The following ITPR2 variants were observed in gnomAD, a reference collection of about 807,000 sequenced individuals.
ITPR2 encodes inositol 1,4,5-trisphosphate receptor type 2.
Under a neutral mutation model 317.1 loss-of-function variants are expected in ITPR2, and 207 were observed. The observed-to-expected ratio is 0.65, with a 90% CI of 0.58 to 0.73. ITPR2 has a LOEUF of 0.73. Ranked by LOEUF, ITPR2 falls within the 30% of genes least tolerant of loss-of-function variation. The pLI, the probability that ITPR2 is intolerant of heterozygous loss-of-function variation, is 0.00. For synonymous variants in ITPR2, 1,156 were observed against 1,149.1 expected (o/e 1.01, Z -0.12); for missense variants, 2,613 against 3,284.0 (o/e 0.80, Z 4.99).
At chr12:26,477,114 G>T in intron 43 of ITPR2, 107 bp from the exon 44 acceptor site, 1 of 633,844 alleles carries the variant, frequency 1.6e-6, no homozygotes. Flanking sequence ...TTAATCAAAC[G>T]GAATTTAAAA....
rs185574225 is a variant in ITPR2 at position 26,657,789 on chromosome 12, G to A, written c.2110C>T (p.Pro704Ser). 6.2e-7 allele frequency: 1 copy of A among 1,614,116 alleles called. No individual in the cohort carries two copies. The highest frequency in any genetic ancestry group is 1.1e-5 in the South Asian group (1 of 91,072). The change falls in exon 18 of 57, where the codon CCT (proline) becomes TCT (serine). Residue 704 changes from proline to serine, a missense_variant. Physicochemically the swap from Pro to Ser is moderately conservative, Grantham distance 74 (BLOSUM62 -1). Transcript: ENST00000381340. ...AGGTGCCTGATAGCTTTGCCATGAG[G>A]TTCCTTGTTGCTGTCAATCCAATAG... ...WLYWIDSNKE[P>S]HGKAIRHLAQ...
chr12:26,404,557 T>C (rs566587512), intron 52 of ITPR2, among the ~76,000 whole-genome samples: 2 of 152,162 alleles, frequency 1.3e-5, no homozygotes, highest in South Asian at 4.2e-4. Flanking sequence ...CAGGAAACAG[T>C]AGGAAGAAGG....
chr12:26,591,332 G>C (rs1945697448), intron 32 of ITPR2, among the ~76,000 whole-genome samples: 1 of 152,076 alleles, frequency 6.6e-6, no homozygotes, highest in South Asian at 2.1e-4. Flanking sequence ...TATATGAAAA[G>C]GTGTTCAACA....
chr12:26,702,939 T>C (rs969323573), intron 9 of ITPR2, among the ~76,000 whole-genome samples: 2 of 152,222 alleles, frequency 1.3e-5, no homozygotes, highest in African/African-American at 4.8e-5. Context: ...TTGCAACATA[T>C]GTGTTTTCTC....
intron 1 of ITPR2, among the ~76,000 whole-genome samples, chr12:26,792,950 C>A (rs777650900): frequency 3.9e-5 from 6 of 152,144 alleles, no homozygotes; most frequent in Non-Finnish European, 5.9e-5. Context: ...TAGATGTGCC[C>A]CAACGAGGGC....
intron 45 of ITPR2, among the ~76,000 whole-genome samples, chr12:26,450,864 G>A (rs1313735241): frequency 5.3e-5 from 8 of 152,092 alleles, no homozygotes; most frequent in African/African-American, 1.9e-4. Flanking sequence ...AGTCAGGAGG[G>A]AAAATGGGAA....
chr12:26,646,576 G>A (rs996478978), intron 21 of ITPR2, among the ~76,000 whole-genome samples: 2 of 152,126 alleles, frequency 1.3e-5, no homozygotes, highest in Admixed American at 1.3e-4. Flanking sequence ...TAGATTCAAA[G>A]CACATCTCAC....
chr12:26,733,400 C>A (rs1255576759), intron 2 of ITPR2, among the ~76,000 whole-genome samples: 1 of 151,762 alleles, frequency 6.6e-6, no homozygotes, highest in East Asian at 1.9e-4. Flanking sequence ...CAGTTCTCAT[C>A]CCTACCACAG....
intron 37 of ITPR2, among the ~76,000 whole-genome samples, chr12:26,502,670 G>A (rs974520701): frequency 1.6e-4 from 24 of 152,294 alleles, no homozygotes; most frequent in Non-Finnish European, 2.9e-5. Flanking sequence ...GGGGGGTAAG[G>A]CAAAGTATGT....
intron 42 of ITPR2, among the ~76,000 whole-genome samples, chr12:26,482,421 A>C (rs1363070842): frequency 6.6e-6 from 1 of 152,228 alleles, no homozygotes; most frequent in Admixed American, 6.5e-5. Flanking sequence ...TTATGAGACC[A>C]AAACTGGGGA....
intron 36 of ITPR2, among the ~76,000 whole-genome samples, chr12:26,551,471 C>T (rs566793885): frequency 5.9e-5 from 9 of 152,218 alleles, no homozygotes; most frequent in South Asian, 2.1e-4. Flanking sequence ...TTCTTAAGAA[C>T]GACTCTGTGG....
At chr12:26,464,438 T>C (rs1245756385) in intron 45 of ITPR2, among the ~76,000 whole-genome samples, 2 of 152,162 alleles carry the variant, frequency 1.3e-5, no homozygotes, top group Admixed American at 1.3e-4. Context: ...ATAGCGCCAC[T>C]GATCTAAGAG....
intron 39 of ITPR2, among the ~76,000 whole-genome samples, chr12:26,489,302 C>A (rs1942745796): frequency 6.6e-6 from 1 of 152,022 alleles, no homozygotes; most frequent in Non-Finnish European, 1.5e-5. Context: ...TGACAGGAGA[C>A]TGGAAGAGGC....
At chr12:26,429,344 C>T (rs1941147143) in intron 48 of ITPR2, among the ~76,000 whole-genome samples, 1 of 152,132 alleles carries the variant, frequency 6.6e-6, no homozygotes, top group Non-Finnish European at 1.5e-5. Context: ...TCTCCCTCAC[C>T]AAATTTATAA....
intron 45 of ITPR2, among the ~76,000 whole-genome samples, chr12:26,447,083 GC>G (rs1941625656): frequency 6.6e-6 from 1 of 151,920 alleles, no homozygotes; most frequent in Non-Finnish European, 1.5e-5. Context: ...CAAATAAAGG[GC>G]CTGGTCTTAC....
intron 32 of ITPR2, among the ~76,000 whole-genome samples, chr12:26,580,885 G>A (rs1294343220): frequency 6.6e-6 from 1 of 152,070 alleles, no homozygotes; most frequent in Non-Finnish European, 1.5e-5. Context: ...ATGTCAGCAT[G>A]AACAAATTGC....
intron 20 of ITPR2, among the ~76,000 whole-genome samples, chr12:26,654,692 ACT>A (rs112280466): frequency 0.015 from 2,184 of 148,448 alleles, 52 homozygotes; most frequent in African/African-American, 0.05. Flanking sequence ...TCCATCTTGT[ACT>A]CTCTCTCTCT....
In ITPR2 at chr12:26,486,312, G is replaced by A. The variant is rs1316317190; in HGVS notation, c.5603C>T (p.Thr1868Ile). 6.2e-7 allele frequency: 1 copy of A among 1,612,756 alleles called. No homozygotes were observed. The highest frequency in any genetic ancestry group is 2.2e-5 in the East Asian group (1 of 44,856). ...TTTGGATGTTGCTGAAGAAGCTTCT[G>A]TTAATTGCCCTTTCATTCCCTCTTT... ...HLKEGMKGQLTEASSATSKAY... is the reference protein window; with the variant it reads ...HLKEGMKGQLIEASSATSKAY... The change falls in exon 41 of 57, where the codon ACA becomes ATA. Residue 1868 changes from threonine (T) to isoleucine (I), a missense_variant. Transcript: ENST00000381340.
intron 37 of ITPR2, among the ~76,000 whole-genome samples, chr12:26,534,477 G>A (rs1944029818): frequency 6.6e-6 from 1 of 152,070 alleles, no homozygotes; most frequent in Admixed American, 6.6e-5. Flanking sequence ...ACATGATCTA[G>A]ATAAAACTGA....
Sources: gnomAD v4.1 joint callset for allele counts (sites outside exome capture counted in the v4.1 genomes callset) on GRCh38, gnomAD v4.1.1 for gene constraint, MANE v1.5 for transcripts, NCBI Gene and HGNC (gene_info 2026-07-23, HGNC 2026-07-21) for gene names.